UBASH3B: variants seen among roughly 807,000 people sequenced by gnomAD.
The protein encoded by UBASH3B is ubiquitin-associated and SH3 domain-containing protein B.
Under a neutral mutation model 83.4 loss-of-function variants are expected in UBASH3B, and 37 were observed. That is an observed-to-expected ratio of 0.44 (90% CI 0.34 to 0.58). The LOEUF is 0.58. Ranked by LOEUF, UBASH3B falls within the 20% of genes least tolerant of loss-of-function variation. The pLI is 0.01. For synonymous variants in UBASH3B, 304 were observed against 318.3 expected (o/e 0.96, Z 0.48); for missense variants, 657 against 827.2 (o/e 0.79, Z 2.52).
Position 122,655,903 on chromosome 11 carries a change from G to A in UBASH3B, c.-147G>A, listed in dbSNP as rs542381822. ...GGAAGCGTCAGAGTCCCGACACTGG[G>A]GAAGCTCGGAGCGCCGCCTCCGCTG... On this transcript the variant is annotated 5_prime_UTR_variant, in exon 1 of 14. Coordinates refer to ENST00000284273, the MANE Select transcript of UBASH3B (RefSeq NM_032873.5). 6 of 868,108 alleles carry A rather than the reference G, an allele frequency of 6.9e-6. No homozygotes were observed. The East Asian group carries it at 2.0e-4, about 28-fold the overall frequency. The allele number at this position is 868,108 out of a possible 1,614,324, so 53.8% of individuals were successfully genotyped here. A position where few individuals can be genotyped will look rare whatever the true frequency, so the allele number is the denominator to read the frequency against.
At chr11:122,736,158 A>G (rs967852986) in intron 1 of UBASH3B, among the ~76,000 whole-genome samples, 1 of 151,994 alleles carries the variant, frequency 6.6e-6, no homozygotes, top group African/African-American at 2.4e-5. Flanking sequence ...AAGATAGAGA[A>G]GTCAAGAATG....
Position 122,721,376 on chromosome 11 carries a change from G to C in UBASH3B, c.162-54843G>C, listed in dbSNP as rs139746973. 3.3e-5 allele frequency among the ~76,000 whole-genome samples: 5 copies of C among 152,130 alleles called. No homozygotes were observed. The East Asian group carries it at 5.8e-4, about 18-fold the overall frequency. On this transcript the variant is annotated intron_variant, in intron 1 of 13. Transcript: ENST00000284273. ...AAGCAAATCTTCCACAGCACTACGG[G>C]GGGGTGGGAGTGGGAATGTGGTGGC...
At chr11:122,748,925 A>T (rs1861161390) in intron 1 of UBASH3B, among the ~76,000 whole-genome samples, 1 of 152,162 alleles carries the variant, frequency 6.6e-6, no homozygotes, top group Admixed American at 6.5e-5. Flanking sequence ...ATTAATTTTT[A>T]TTTTTTAAAG....
intron 1 of UBASH3B, among the ~76,000 whole-genome samples, chr11:122,695,380 G>T (rs1227918823): frequency 6.6e-6 from 1 of 152,186 alleles, no homozygotes; most frequent in African/African-American, 2.4e-5. Flanking sequence ...TCTGATCAGA[G>T]CCTGCGGATG....
Position 122,712,677 on chromosome 11 carries a change from T to C in UBASH3B, c.161+56467T>C, listed in dbSNP as rs952079601. On this transcript the variant is annotated intron_variant, in intron 1 of 13. Coordinates refer to ENST00000284273, the MANE Select transcript of UBASH3B (RefSeq NM_032873.5). ...AGGCAAGAGGAGAACTCCATGGGTT[T>C]CACAGGTACCTTCCTACCTGTGGTG... 4.6e-5 allele frequency among the ~76,000 whole-genome samples: 7 copies of C among 152,200 alleles called. No individual in the cohort carries two copies. The South Asian group carries it at 8.3e-4, about 18-fold the overall frequency.
At chr11:122,798,725 A>AG (rs67988607) in intron 9 of UBASH3B, among the ~76,000 whole-genome samples, 4 of 149,316 alleles carry the variant, frequency 2.7e-5, no homozygotes, top group African/African-American at 9.8e-5. Flanking sequence ...AAAAAAAAAA[A>AG]GACAAGACAA....
chr11:122,660,643 C>T (rs1374995213), intron 1 of UBASH3B, among the ~76,000 whole-genome samples: 1 of 152,216 alleles, frequency 6.6e-6, no homozygotes, highest in Non-Finnish European at 1.5e-5. Context: ...TCTGGGGAGA[C>T]AGGCTCTCAT....
rs1358373923 is a variant in UBASH3B at position 122,810,806 on chromosome 11, A to G, written c.*920A>G. The G allele has an allele frequency of 6.6e-6, 1 of 152,182 alleles. No individual in the cohort carries two copies. The highest frequency in any genetic ancestry group is 2.4e-5 in the African/African-American group (1 of 41,436). 9.4% of individuals were successfully genotyped at this position (152,182 alleles called of 1,614,324 possible). A position where few individuals can be genotyped will look rare whatever the true frequency, so the allele number is the denominator to read the frequency against. On this transcript the variant is annotated 3_prime_UTR_variant, in exon 14 of 14. Transcript: ENST00000284273. ...AGGATGTTACATTTTGAAAGGATGT[A>G]TGTTAGATATATTATTTGCAGCAAG...
intron 1 of UBASH3B, among the ~76,000 whole-genome samples, chr11:122,744,131 C>G (rs776371839): frequency 2.0e-5 from 3 of 152,164 alleles, no homozygotes; most frequent in Non-Finnish European, 4.4e-5. Flanking sequence ...TCTCACTTCA[C>G]CAGCACCTCC....
Position 122,765,889 on chromosome 11 carries a change from C to G in UBASH3B, c.162-10330C>G, listed in dbSNP as rs180885571. Among the ~76,000 whole-genome samples, 249 of 152,296 alleles carry G rather than the reference C, an allele frequency of 1.6e-3. 2 individuals carry two copies. The highest frequency in any genetic ancestry group is 5.9e-3 in the African/African-American group (246 of 41,548). ...ATGTAACATAGTCTCACTCCTATGC[C>G]ATTGCCTGTGGCCACTCTGCACATC... On this transcript the variant is annotated intron_variant, in intron 1 of 13. Transcript: ENST00000284273.
Position 122,813,603 on chromosome 11 carries a change from C to T in UBASH3B, c.*3717C>T, listed in dbSNP as rs1861487793. 2.0e-5 allele frequency: 3 copies of T among 152,126 alleles called. No homozygotes were observed. The highest frequency in any genetic ancestry group is 2.0e-4 in the Admixed American group (3 of 15,252). 9.4% of individuals were successfully genotyped at this position (152,126 alleles called of 1,614,324 possible). ...TTTGCATTTAAATTGCAATCCAGCA[C>T]ACGTGTGAGAAAGAAGAGGCACTAG... is the stretch of plus-strand genomic sequence containing the variant. On this transcript the variant is annotated 3_prime_UTR_variant, in exon 14 of 14. Transcript: ENST00000284273.
intron 1 of UBASH3B, among the ~76,000 whole-genome samples, chr11:122,710,002 A>G (rs1337111225): frequency 1.3e-5 from 2 of 152,110 alleles, no homozygotes; most frequent in East Asian, 3.9e-4. Context: ...CTAAAATTAC[A>G]AAAATTAGCC....
intron 1 of UBASH3B, among the ~76,000 whole-genome samples, chr11:122,713,268 G>A (rs891763265): frequency 4.6e-5 from 7 of 152,210 alleles, no homozygotes; most frequent in Admixed American, 6.5e-5. Flanking sequence ...TCTCTTTAGG[G>A]CACACAGGAG....
intron 1 of UBASH3B, among the ~76,000 whole-genome samples, chr11:122,722,311 C>G (rs1860652348): frequency 6.6e-6 from 1 of 152,218 alleles, no homozygotes; most frequent in Admixed American, 6.5e-5. Flanking sequence ...TGATAGGTGT[C>G]CTGGTTCTCT....
intron 6 of UBASH3B, among the ~76,000 whole-genome samples, chr11:122,791,683 G>A (rs898655332): frequency 1.3e-5 from 2 of 152,210 alleles, no homozygotes; most frequent in East Asian, 1.9e-4. Flanking sequence ...GAGACATCAG[G>A]AGGTAGAGCC....
chr11:122,729,581 G>A (rs1170350289), intron 1 of UBASH3B, among the ~76,000 whole-genome samples: 3 of 152,094 alleles, frequency 2.0e-5, no homozygotes, highest in Non-Finnish European at 4.4e-5. Flanking sequence ...GCATGCTAAT[G>A]TCTGGGTTGT....
rs192006566 is a variant in UBASH3B at position 122,801,228 on chromosome 11, C to T, written c.1491C>T (p.Pro497=). 119 of 1,614,140 alleles carry T rather than the reference C, an allele frequency of 7.4e-5. No homozygotes were observed. In the East Asian group the frequency reaches 2.1e-3, roughly 28 times the overall value. ...ATCACTTGAAGATCCGTGTAGAGCC[C>T]GGCTTATTTGAGTGGACAAAATGGG... ...QENHLKIRVE[P]GLFEWTKWVA... The change falls in exon 11 of 14, where the codon CCC becomes CCT. Residue 497 remains proline, a synonymous_variant. Coordinates refer to ENST00000284273, the MANE Select transcript of UBASH3B (RefSeq NM_032873.5).
intron 1 of UBASH3B, among the ~76,000 whole-genome samples, chr11:122,765,308 G>A (rs1860514934): frequency 6.6e-6 from 1 of 152,244 alleles, no homozygotes; most frequent in South Asian, 2.1e-4. Flanking sequence ...AGGGTCTGGA[G>A]TAGAGCTCCA....
intron 1 of UBASH3B, among the ~76,000 whole-genome samples, chr11:122,696,341 C>CTTTTATTT (rs1863964991): frequency 2.1e-5 from 3 of 146,036 alleles, no homozygotes; most frequent in Admixed American, 2.0e-4. Flanking sequence ...TTTCTTTTTT[C>CTTTTATTT]TTTTTGTTTT....
Sources: allele counts gnomAD v4.1 joint callset (sites outside exome capture counted in the v4.1 genomes callset), GRCh38; gene constraint gnomAD v4.1.1; transcripts MANE v1.5; gene names NCBI Gene and HGNC (gene_info 2026-07-23, HGNC 2026-07-21).